Variants in GPHN observed in about 807,000 individuals in gnomAD.
GPHN encodes the protein gephyrin.
A neutral mutation model predicts 95.5 loss-of-function variants in GPHN; 17 were observed. The observed-to-expected ratio is 0.18, with a 90% confidence interval of 0.12 to 0.27. The LOEUF (loss-of-function observed/expected upper bound fraction) is 0.27, where lower values mean the gene tolerates loss of function less well. Ranked by LOEUF, GPHN falls within the 10% of genes least tolerant of loss-of-function variation. GPHN has a pLI of 1.00. For missense variants in GPHN, 660 were observed against 978.1 expected (o/e 0.67, Z 4.34); for synonymous variants, 320 against 322.5 (o/e 0.99, Z 0.08).
intron 3 of GPHN, among the ~76,000 whole-genome samples, chr14:66,785,855 G>A (rs1376271482): frequency 3.3e-5 from 5 of 150,944 alleles, no homozygotes; most frequent in Middle Eastern, 3.2e-3. Flanking sequence ...TTACACAAAC[G>A]AAAAATGAAA....
intron 8 of GPHN, among the ~76,000 whole-genome samples, chr14:66,952,776 C>T (rs142446585): frequency 0.019 from 2,911 of 152,174 alleles, 38 homozygotes; most frequent in Middle Eastern, 0.034. Flanking sequence ...CTCACTGCAA[C>T]CTCAGCCTCC....
intron 1 of GPHN, among the ~76,000 whole-genome samples, chr14:66,658,639 A>C (rs2065450685): frequency 6.6e-6 from 1 of 152,194 alleles, no homozygotes; most frequent in Non-Finnish European, 1.5e-5. Flanking sequence ...CATTTTTTGC[A>C]ATAAGATCTT....
intron 16 of GPHN, among the ~76,000 whole-genome samples, chr14:67,113,733 T>A (rs7493580): frequency 0.32 from 48,521 of 152,080 alleles, 12,135 homozygotes; most frequent in African/African-American, 0.68. Flanking sequence ...TCAAAATGTC[T>A]TTTCATTCCT....
At position 66,508,531 on chromosome 14, in the gene GPHN, G is replaced by T; in HGVS notation, c.4G>T (p.Ala2Ser). 6.2e-7 allele frequency: 1 copy of T among 1,614,042 alleles called. No individual in the cohort carries two copies. The highest frequency in any genetic ancestry group is 8.5e-7 in the Non-Finnish European group (1 of 1,179,898). ...TGCGGTGACTGCGCTGGGAAACATGGCGACCGAGGGAATGATCCTTACTAA... is the reference window on the plus strand; with the variant it reads ...TGCGGTGACTGCGCTGGGAAACATGTCGACCGAGGGAATGATCCTTACTAA... The part of the protein sequence containing the change: M[A>S]TEGMILTNHD... The change falls in exon 1 of 23, where the codon GCG becomes TCG. Residue 2 changes from alanine to serine, a missense_variant. By Grantham distance (99) the Ala-to-Ser change is moderately conservative (BLOSUM62 1). This residue lies in a region of GPHN where 92 missense variants were observed against 91.9 expected (regional missense o/e 1.00). Coordinates refer to ENST00000478722, the MANE Select transcript of GPHN (RefSeq NM_020806.5).
chr14:67,546,455 G>A, the GPHN span, among the ~76,000 whole-genome samples: 1 of 152,142 alleles, frequency 6.6e-6, no homozygotes, highest in African/African-American at 2.4e-5. Flanking sequence ...CGGCTGGAGT[G>A]CAGTGGCCCA....
chr14:67,086,933 G>C, intron 11 of GPHN, among the ~76,000 whole-genome samples: 1 of 150,402 alleles, frequency 6.6e-6, no homozygotes, highest in South Asian at 2.1e-4. Context: ...AGCTACTCGG[G>C]AGGCTGAGGC....
intron 8 of GPHN, among the ~76,000 whole-genome samples, chr14:66,952,991 G>A (rs2068210417): frequency 6.6e-6 from 1 of 151,358 alleles, no homozygotes; most frequent in Admixed American, 6.6e-5. Context: ...ACTGCACCGG[G>A]CCTTCTTTTT....
chr14:66,753,103 A>G (rs967897134), intron 2 of GPHN, among the ~76,000 whole-genome samples: 1 of 152,084 alleles, frequency 6.6e-6, no homozygotes, highest in Non-Finnish European at 1.5e-5. Context: ...ATGTCCGTCA[A>G]AGCCCTTTGC....
intron 2 of GPHN, among the ~76,000 whole-genome samples, chr14:66,689,088 G>A (rs947300602): frequency 6.6e-6 from 1 of 152,008 alleles, no homozygotes; most frequent in Admixed American, 6.6e-5. Flanking sequence ...AAAAGAAAGT[G>A]GTAAAAGTGA....
At chr14:67,454,674 G>A in the GPHN span, 3 of 152,208 alleles carry the variant, frequency 2.0e-5, no homozygotes, top group Non-Finnish European at 4.4e-5. Flanking sequence ...CGAATGGAGA[G>A]ATGGAAACTA....
chr14:67,580,962 G>C, the GPHN span: 1 of 1,613,138 alleles, frequency 6.2e-7, no homozygotes, highest in Non-Finnish European at 8.5e-7. Context: ...CTCCAAGTGG[G>C]AACAAGCCAT....
the GPHN span, among the ~76,000 whole-genome samples, chr14:67,565,985 T>C: frequency 1.3e-5 from 2 of 152,046 alleles, no homozygotes; most frequent in Non-Finnish European, 2.9e-5. Flanking sequence ...TTGGGCATGG[T>C]GGTGCACGCC....
intron 1 of GPHN, among the ~76,000 whole-genome samples, chr14:66,602,367 GTTAGT>G (rs1368384753): frequency 1.3e-5 from 2 of 151,524 alleles, no homozygotes; most frequent in Non-Finnish European, 3.0e-5. Context: ...TCTTTTTATT[GTTAGT>G]TTTGTTTTTA....
At chr14:67,588,096 G>A in the GPHN span, 2 of 152,600 alleles carry the variant, frequency 1.3e-5, no homozygotes, top group Non-Finnish European at 2.9e-5. Context: ...GTCTTTGCAG[G>A]ATAACATGCT....
intron 3 of GPHN, among the ~76,000 whole-genome samples, chr14:66,807,264 C>G (rs138259090): frequency 0.043 from 6,616 of 152,292 alleles, 188 homozygotes; most frequent in Middle Eastern, 0.068. Flanking sequence ...CACCAGGTCC[C>G]TCCCACAACA....
Position 66,778,451 on chromosome 14 carries a change from C to T in GPHN, c.201+1930C>T, listed in dbSNP as rs183650927. On this transcript the variant is annotated intron_variant, in intron 3 of 22. Transcript: ENST00000478722. ...AAAATTAGAGCATTATGACATTATT[C>T]TGTCTCTAACATTTTACTAAGTCTT... 5.9e-5 allele frequency among the ~76,000 whole-genome samples: 9 copies of T among 152,204 alleles called. No individual in the cohort carries two copies. The East Asian group carries it at 1.7e-3, about 29-fold the overall frequency.
chr14:67,399,350 A>G, the GPHN span, among the ~76,000 whole-genome samples: 54 of 145,098 alleles, frequency 3.7e-4, no homozygotes, highest in Admixed American at 1.7e-3. Context: ...AGAGAAGGGT[A>G]GTTTAGGTGG....
At chr14:67,530,414 T>C in the GPHN span, among the ~76,000 whole-genome samples, 1 of 152,154 alleles carries the variant, frequency 6.6e-6, no homozygotes, top group African/African-American at 2.4e-5. Flanking sequence ...TTCCCTCCCA[T>C]AGTGCTGTCC....
At chr14:67,110,503 G>C (rs927972393) in intron 14 of GPHN, among the ~76,000 whole-genome samples, 2 of 152,106 alleles carry the variant, frequency 1.3e-5, no homozygotes, top group South Asian at 4.1e-4. Flanking sequence ...AGCAGAATTT[G>C]AATCATATTT....
Sources: allele counts gnomAD v4.1 joint callset (sites outside exome capture counted in the v4.1 genomes callset), GRCh38; gene constraint gnomAD v4.1.1; regional missense constraint gnomAD v4.1.1; transcripts MANE v1.5; gene names NCBI Gene and HGNC (gene_info 2026-07-23, HGNC 2026-07-21).